SEMA5A: variants seen among roughly 807,000 people sequenced by gnomAD.
SEMA5A encodes semaphorin-5A.
A neutral mutation model predicts 135.5 loss-of-function variants in SEMA5A; 55 were observed. The observed-to-expected ratio is 0.41, with a 90% CI of 0.33 to 0.51. The LOEUF is 0.51. Ranked by LOEUF, SEMA5A falls within the 20% of genes least tolerant of loss-of-function variation. The pLI is 0.37. For synonymous variants in SEMA5A, 580 were observed against 546.5 expected, an observed-to-expected ratio of 1.06 and a Z score of -0.85; for missense variants, 1,290 against 1,419.9, an observed-to-expected ratio of 0.91 and a Z score of 1.47.
At chr5:9,347,698 A>G (rs1753937751) in intron 3 of SEMA5A, among the ~76,000 whole-genome samples, 1 of 152,182 alleles carries the variant, frequency 6.6e-6, no homozygotes, top group Non-Finnish European at 1.5e-5. Context: ...CTGCATGGAG[A>G]GGCAGCTGGT....
At chr5:9,300,811 G>C (rs149494444) in intron 5 of SEMA5A, among the ~76,000 whole-genome samples, 18 of 152,230 alleles carry the variant, frequency 1.2e-4, no homozygotes, top group African/African-American at 4.3e-4. Context: ...TGTGAAGATG[G>C]AGGCAGAGAT....
chr5:9,493,225 A>G (rs1735121827), intron 1 of SEMA5A, among the ~76,000 whole-genome samples: 1 of 151,232 alleles, frequency 6.6e-6, no homozygotes, highest in African/African-American at 2.4e-5. Flanking sequence ...TATATAATAT[A>G]GGCCTATTAG....
At chr5:9,403,629 G>GATTA (rs1756759266) in intron 2 of SEMA5A, among the ~76,000 whole-genome samples, 2 of 152,138 alleles carry the variant, frequency 1.3e-5, no homozygotes, top group South Asian at 4.1e-4. Flanking sequence ...CATACCTGCT[G>GATTA]CCACATTATA....
intron 12 of SEMA5A, among the ~76,000 whole-genome samples, chr5:9,152,891 G>T (rs1287049396): frequency 2.0e-5 from 3 of 152,118 alleles, no homozygotes; most frequent in African/African-American, 7.2e-5. Flanking sequence ...GGCCAACATG[G>T]TGAAACCCTG....
intron 2 of SEMA5A, among the ~76,000 whole-genome samples, chr5:9,396,530 C>T (rs887868420): frequency 3.3e-5 from 5 of 151,922 alleles, no homozygotes; most frequent in Non-Finnish European, 7.4e-5. Context: ...CAAGCCAGAG[C>T]CCCCACTCTC....
chr5:9,050,462 A>G lies in SEMA5A; in HGVS notation c.2846-5T>C. On this transcript the variant is annotated splice_region_variant and splice_polypyrimidine_tract_variant and intron_variant, in intron 20 of 22. Transcript: ENST00000382496. ...TGGATCTTGCCACAGATACTTCTGG[A>G]AAAAGAAAAGTCGAATCACAATGTG... 6.2e-7 allele frequency: 1 copy of G among 1,612,296 alleles called. No individual in the cohort carries two copies. The highest frequency in any genetic ancestry group is 8.5e-7 in the Non-Finnish European group (1 of 1,179,168).
In SEMA5A at chr5:9,204,688, G is replaced by T. The variant is rs185848726; in HGVS notation, c.647-2448C>A. 6.6e-6 allele frequency among the ~76,000 whole-genome samples: 1 copy of T among 152,124 alleles called. No individual in the cohort carries two copies. Among genetic ancestry groups the T allele is most frequent in the Non-Finnish European group, 1.5e-5 (1 of 68,018 alleles). On this transcript the variant is annotated intron_variant, in intron 8 of 22. Transcript: ENST00000382496. The surrounding 1 kb of genome is among the most constrained non-coding windows in gnomAD (Gnocchi z 6.4). Reference sequence around the variant, plus strand: ...TTCACATAACTAGCAGTGGGGGATGGGGATGGAAAGTCCTGAATCCATTAG... The same window carrying T: ...TTCACATAACTAGCAGTGGGGGATGTGGATGGAAAGTCCTGAATCCATTAG...
chr5:9,356,284 C>G (rs1754442732), intron 3 of SEMA5A, among the ~76,000 whole-genome samples: 1 of 152,120 alleles, frequency 6.6e-6, no homozygotes, highest in African/African-American at 2.4e-5. Flanking sequence ...AACCCACGTT[C>G]CGTATATTAG....
intron 2 of SEMA5A, among the ~76,000 whole-genome samples, chr5:9,409,278 G>A (rs1757015183): frequency 6.6e-6 from 1 of 152,134 alleles, no homozygotes; most frequent in African/African-American, 2.4e-5. Flanking sequence ...ACCCAAACAC[G>A]CCTCTTGCTA....
At chr5:9,431,058 G>C (rs1757840298) in intron 2 of SEMA5A, among the ~76,000 whole-genome samples, 1 of 152,114 alleles carries the variant, frequency 6.6e-6, no homozygotes, top group South Asian at 2.1e-4. Context: ...GATACAGTTT[G>C]GCCAAACTAG....
chr5:9,244,658 C>T (rs1335303893), intron 5 of SEMA5A, among the ~76,000 whole-genome samples: 1 of 152,240 alleles, frequency 6.6e-6, no homozygotes, highest in African/African-American at 2.4e-5. Flanking sequence ...GTGCCACATA[C>T]ACAAGCACTC....
chr5:9,535,336 A>G (rs62342597), intron 1 of SEMA5A, among the ~76,000 whole-genome samples: 6,771 of 152,252 alleles, frequency 0.044, 192 homozygotes, highest in Non-Finnish European at 0.064. Flanking sequence ...CTGCTGGCAG[A>G]CGGAAAGTAA....
At chr5:9,381,942 T>TTGTGTG (rs148157627) in intron 2 of SEMA5A, among the ~76,000 whole-genome samples, 8,966 of 108,866 alleles carry the variant, frequency 0.082, 361 homozygotes, top group South Asian at 0.13. Context: ...TAGAATCATT[T>TTGTGTG]TGTGTGTGTG....
chr5:9,180,746 T>C (rs1417528302), intron 11 of SEMA5A, among the ~76,000 whole-genome samples: 2 of 151,860 alleles, frequency 1.3e-5, no homozygotes, highest in African/African-American at 4.8e-5. Context: ...CCTACTTTTT[T>C]TAGATAGGAA....
At chr5:9,374,752 T>C (rs1165379848) in intron 3 of SEMA5A, among the ~76,000 whole-genome samples, 1 of 151,992 alleles carries the variant, frequency 6.6e-6, no homozygotes, top group Non-Finnish European at 1.5e-5. Context: ...CTACCCCTCT[T>C]CAGCCAAGAC....
chr5:9,398,915 A>G (rs567842513), intron 2 of SEMA5A, among the ~76,000 whole-genome samples: 1 of 152,340 alleles, frequency 6.6e-6, no homozygotes, highest in South Asian at 2.1e-4. Context: ...CAATGGTATA[A>G]AGACTGACTG....
intron 2 of SEMA5A, among the ~76,000 whole-genome samples, chr5:9,381,942 T>TTGTGTGTGTGTGTGTGTGTGTGTG (rs148157627): frequency 2.7e-5 from 3 of 109,304 alleles, no homozygotes; most frequent in African/African-American, 3.6e-5. Context: ...TAGAATCATT[T>TTGTGTGTGTGTGTGTGTGTGTGTG]TGTGTGTGTG....
At chr5:9,050,861 A>T (rs1736534812) in intron 20 of SEMA5A, among the ~76,000 whole-genome samples, 1 of 152,216 alleles carries the variant, frequency 6.6e-6, no homozygotes, top group African/African-American at 2.4e-5. Flanking sequence ...TTCCCGGCAG[A>T]GGGAGGGCCC....
At chr5:9,066,331 G>T in intron 17 of SEMA5A, 90 bp downstream of exon 17, 3 of 1,262,558 alleles carry the variant, frequency 2.4e-6, no homozygotes, top group Non-Finnish European at 3.5e-6. Context: ...AACCAAAAAG[G>T]AAAATGCCCC....
Sources: allele counts gnomAD v4.1 joint callset (sites outside exome capture counted in the v4.1 genomes callset), GRCh38; gene constraint gnomAD v4.1.1; non-coding constraint Gnocchi (gnomAD v3.1); transcripts MANE v1.5; gene names NCBI Gene and HGNC (gene_info 2026-07-23, HGNC 2026-07-21).